Variants in CABP4 observed in about 807,000 individuals in gnomAD.
CABP4 encodes the protein calcium binding protein 4.
In CABP4, 30 loss-of-function variants were observed where a neutral mutation model predicts 30.7. The observed-to-expected ratio is 0.98, with a 90% CI of 0.73 to 1.33. CABP4 has a LOEUF of 1.33. Among genes scored for constraint, CABP4 ranks in the 40% most tolerant of loss-of-function variants. The pLI, the probability that CABP4 is intolerant of heterozygous loss-of-function variation, is 0.00. For missense variants in CABP4, 424 were observed against 395.5 expected, an observed-to-expected ratio of 1.07 and a Z score of -0.61; for synonymous variants, 161 against 159.2, an observed-to-expected ratio of 1.01 and a Z score of -0.08.
upstream of CABP4, chr11:67,453,012 C>A: frequency 1.8e-5 from 4 of 228,352 alleles, no homozygotes; most frequent in South Asian, 1.8e-4. Flanking sequence ...CTTTTCTTTT[C>A]TTTTCTTTTT....
At chr11:67,456,068 G>A in intron 1 of CABP4, 120 bp from the exon 2 acceptor site, 1 of 1,589,550 alleles carries the variant, frequency 6.3e-7, no homozygotes, top group Admixed American at 1.7e-5. Context: ...AGGCTTCAGG[G>A]TCCTTTTCCT....
In CABP4 at chr11:67,456,440, G is replaced by T; in HGVS notation, c.539G>T (p.Arg180Leu). Residue 180 changes from arginine (R) to leucine (L), a missense_variant and splice_region_variant, in exon 3 of 6, where the codon CGC becomes CTC. Physicochemically the swap from Arg to Leu is moderately radical, Grantham distance 102. Transcript: ENST00000325656. ...GAGGTCTCGCAGCACATCAAGATGCGCAGTCAGTCAGGGAGCCCGCCCGCC... is the reference window on the plus strand; with the variant it reads ...GAGGTCTCGCAGCACATCAAGATGCTCAGTCAGTCAGGGAGCCCGCCCGCC... ...LLEVSQHIKM[R>L]MGGRVDFEEF... The T allele has an allele frequency of 6.2e-7, 1 of 1,610,500 alleles. No homozygotes were observed. Among genetic ancestry groups the T allele is most frequent in the Non-Finnish European group, 8.5e-7 (1 of 1,179,962 alleles).
At chr11:67,456,104 A>G (rs372735917) in intron 1 of CABP4, 84 bp from the exon 2 acceptor site, 7 of 1,611,832 alleles carry the variant, frequency 4.3e-6, no homozygotes, top group Non-Finnish European at 8.5e-7. Context: ...GGCCCTGCCC[A>G]GGCCAACATG....
upstream of CABP4, among the ~76,000 whole-genome samples, chr11:67,454,026 T>C (rs1864667063): frequency 6.6e-6 from 1 of 152,112 alleles, no homozygotes; most frequent in Non-Finnish European, 1.5e-5. Flanking sequence ...CCCTGGTGCC[T>C]CTCCAGCATC....
intron 1 of CABP4, 153 bp from the exon 2 acceptor site, chr11:67,456,035 G>A (rs998823513): frequency 2.1e-6 from 3 of 1,418,354 alleles, no homozygotes; most frequent in South Asian, 2.4e-5. Context: ...ACAAAAGGGA[G>A]CTTGCTCCTC....
intron 3 of CABP4, among the ~76,000 whole-genome samples, chr11:67,456,824 T>G (rs959022505): frequency 2.0e-5 from 3 of 152,222 alleles, no homozygotes; most frequent in Non-Finnish European, 4.4e-5. Context: ...TTTCTCTCTC[T>G]TTCTGTGACC....
At chr11:67,454,761 G>A (rs1397380037), upstream of CABP4, among the ~76,000 whole-genome samples, 1 of 152,146 alleles carries the variant, frequency 6.6e-6, no homozygotes, top group East Asian at 1.9e-4. Flanking sequence ...CTCCTCCCCA[G>A]GGCCTCTCTA....
Position 67,458,845 on chromosome 11 carries a change from C to A in CABP4, c.*186C>A, listed in dbSNP as rs1177038816. ...GTTACCTGCCCACCCTCATCCTTAC[C>A]TCCTCCTACTCAAGCTGCCTGGAGA... On this transcript the variant is annotated 3_prime_UTR_variant, in exon 6 of 6. Transcript: ENST00000325656. 2.9e-6 allele frequency: 2 copies of A among 692,588 alleles called. No individual in the cohort carries two copies. The highest frequency in any genetic ancestry group is 5.1e-6 in the Non-Finnish European group (2 of 395,200). 42.9% of individuals were successfully genotyped at this position (692,588 alleles called of 1,614,324 possible).
rs1217957173 is a variant in CABP4 at position 67,455,673 on chromosome 11, C to T, written c.250C>T (p.Pro84Ser). 1.2e-6 allele frequency: 2 copies of T among 1,608,052 alleles called. No homozygotes were observed. The highest frequency in any genetic ancestry group is 1.1e-5 in the South Asian group (1 of 90,454). Residue 84 changes from proline (P) to serine (S), a missense_variant, in exon 1 of 6, where the codon CCC (proline) becomes TCC (serine). Transcript: ENST00000325656. The stretch of plus-strand genomic sequence containing the variant: ...CACTGGAGAGGGGCCGGCGGGCGCA[C>T]CCCCTGCATCCCCTGGGCCGGCCTC... ...PSTGEGPAGAPPASPGPASSR... is the reference protein window; with the variant it reads ...PSTGEGPAGASPASPGPASSR...
upstream of CABP4, among the ~76,000 whole-genome samples, chr11:67,454,716 C>G (rs928832574): frequency 2.0e-5 from 3 of 152,206 alleles, no homozygotes; most frequent in African/African-American, 7.2e-5. Flanking sequence ...GCCAGACCCC[C>G]TCCCCCAGCC....
rs752550664 is a variant in CABP4, at chr11:67,456,408, G to C, written c.507G>C (p.Glu169Asp). The C allele has an allele frequency of 1.4e-5, 23 of 1,612,686 alleles. No homozygotes were observed. The highest frequency in any genetic ancestry group is 1.8e-5 in the Non-Finnish European group (21 of 1,180,010). ...RTLGYMPTEM[E>D]LLEVSQHIKM... ...TGGGCTACATGCCCACCGAGATGGA[G>C]CTCCTGGAGGTCTCGCAGCACATCA... The change falls in exon 3 of 6, where the codon GAG becomes GAC. Residue 169 changes from glutamate (E) to aspartate (D), a missense_variant. Coordinates refer to ENST00000325656, the MANE Select transcript of CABP4 (RefSeq NM_145200.5).
In CABP4 at chr11:67,457,580, C is replaced by T. The variant is rs745499827; in HGVS notation, c.549C>T (p.Gly183=). The T allele has an allele frequency of 3.8e-6, 6 of 1,586,538 alleles. No individual in the cohort carries two copies. Among genetic ancestry groups the T allele is most frequent in the Non-Finnish European group, 5.1e-6 (6 of 1,166,058 alleles). ...VSQHIKMRMG[G]RVDFEEFVEL... ...CTCTTCCTGGGTCTGCAGTGGGCGG[C>T]CGTGTGGACTTTGAGGAGTTTGTAG... The change falls in exon 4 of 6, where the codon GGC becomes GGT. Residue 183 remains glycine, a synonymous_variant. Coordinates refer to ENST00000325656, the MANE Select transcript of CABP4 (RefSeq NM_145200.5).
rs773516968 is a variant in CABP4 at position 67,458,492 on chromosome 11, A to T, written c.773A>T (p.Asn258Ile). 2 of 1,614,006 alleles carry T rather than the reference A, an allele frequency of 1.2e-6. No individual in the cohort carries two copies. The highest frequency in any genetic ancestry group is 1.7e-6 in the Non-Finnish European group (2 of 1,179,994). Residue 258 changes from asparagine to isoleucine, a missense_variant, in exon 5 of 6, where the codon AAT (asparagine) becomes ATT (isoleucine). Asn to Ile is a moderately radical substitution (Grantham distance 149, BLOSUM62 -3). Coordinates refer to ENST00000325656, the MANE Select transcript of CABP4 (RefSeq NM_145200.5). ...GAGATGCTCCGAGAAGTGGACCTCA[A>T]TGGGGATGGCACCGTAGACTTTGAC... Reference protein sequence around the residue: ...LDEMLREVDLNGDGTVDFDEF... With the variant: ...LDEMLREVDLIGDGTVDFDEF...
rs1400752403 is a variant in CABP4 at position 67,458,956 on chromosome 11, C to T, written c.*297C>T. 9.8e-6 allele frequency: 5 copies of T among 510,410 alleles called. No homozygotes were observed. Among genetic ancestry groups the T allele is most frequent in the Admixed American group, 3.2e-5 (1 of 31,176 alleles). The allele number at this position is 510,410 out of a possible 1,614,324, so 31.6% of individuals were successfully genotyped here. A position where few individuals can be genotyped will look rare whatever the true frequency, so the allele number is the denominator to read the frequency against. On this transcript the variant is annotated 3_prime_UTR_variant, in exon 6 of 6. Transcript: ENST00000325656. ...CTCTGGGAGGTAGGGAGTTCCCTGG[C>T]ACTGGCAGCATTCAGTGGGGACCCC... is the stretch of plus-strand genomic sequence containing the variant.
At position 67,456,435 on chromosome 11, in the gene CABP4, G is replaced by C. The variant is rs1327511961; in HGVS notation, c.534G>C (p.Lys178Asn). ...TCCTGGAGGTCTCGCAGCACATCAA[G>C]ATGCGCAGTCAGTCAGGGAGCCCGC... ...MELLEVSQHIKMRMGGRVDFE... is the reference protein window; with the variant it reads ...MELLEVSQHINMRMGGRVDFE... Residue 178 changes from lysine (K) to asparagine (N), a missense_variant, in exon 3 of 6, where the codon AAG becomes AAC. By Grantham distance (94) the Lys-to-Asn change is moderately conservative. Coordinates refer to ENST00000325656, the MANE Select transcript of CABP4 (RefSeq NM_145200.5). 4.3e-6 allele frequency: 7 copies of C among 1,611,072 alleles called. No homozygotes were observed. The highest frequency in any genetic ancestry group is 1.3e-5 in the African/African-American group (1 of 74,938).
In CABP4 at chr11:67,456,213, T is replaced by C; in HGVS notation, c.392T>C (p.Leu131Pro). ...GKDRELGPEE[L>P]DELQAAFEEF... ...GACCGCGAACTGGGCCCCGAGGAGC[T>C]AGACGGTGAGTGGCTCTTGCTGCTG... is the stretch of plus-strand genomic sequence containing the variant. Residue 131 changes from leucine to proline, a missense_variant, in exon 2 of 6, where the codon CTA (leucine) becomes CCA (proline). Coordinates refer to ENST00000325656, the MANE Select transcript of CABP4 (RefSeq NM_145200.5). 2 of 1,613,400 alleles carry C rather than the reference T, an allele frequency of 1.2e-6. No homozygotes were observed. Among genetic ancestry groups the C allele is most frequent in the Non-Finnish European group, 1.7e-6 (2 of 1,179,964 alleles).
rs1466431511 is a variant in CABP4 at position 67,456,282 on chromosome 11, A to G, written c.398-17A>G. 6.2e-7 allele frequency: 1 copy of G among 1,611,536 alleles called. No individual in the cohort carries two copies. The highest frequency in any genetic ancestry group is 1.7e-5 in the Admixed American group (1 of 59,820). On this transcript the variant is annotated splice_polypyrimidine_tract_variant and intron_variant, in intron 2 of 5. Transcript: ENST00000325656. ...CCCTGAGCCTGGCCACCTGGGCTTGACCTCCCTCCTCCACAGAGCTTCAGG... is the reference window on the plus strand; with the variant it reads ...CCCTGAGCCTGGCCACCTGGGCTTGGCCTCCCTCCTCCACAGAGCTTCAGG...
In CABP4 at chr11:67,460,972, G is replaced by A. The variant is rs1343234970; in HGVS notation, c.*2313G>A. On this transcript the variant is annotated 3_prime_UTR_variant, in exon 6 of 6. Transcript: ENST00000325656. ...TGCACTCCAGCCTGGGCTACAGAGC[G>A]AGACTCCGTCTCGGAAAAAAAAAAA... Among the ~76,000 whole-genome samples the A allele has an allele frequency of 9.2e-5, 12 of 129,846 alleles. No homozygotes were observed. The highest frequency in any genetic ancestry group is 3.0e-4 in the African/African-American group (10 of 32,998). The allele number at this position is 129,846 out of a possible 152,430, so 85.2% of individuals were successfully genotyped here.
At position 67,457,592 on chromosome 11, in the gene CABP4, T is replaced by G. The variant is rs1274187503; in HGVS notation, c.561T>G (p.Phe187Leu). The G allele has an allele frequency of 5.6e-6, 9 of 1,598,374 alleles. No homozygotes were observed. The highest frequency in any genetic ancestry group is 3.5e-5 in the Admixed American group (2 of 57,410). The change falls in exon 4 of 6, where the codon TTT (phenylalanine) becomes TTG (leucine). Residue 187 changes from phenylalanine to leucine, a missense_variant. Phe to Leu is a conservative substitution (Grantham distance 22, BLOSUM62 0). Coordinates refer to ENST00000325656, the MANE Select transcript of CABP4 (RefSeq NM_145200.5). ...IKMRMGGRVD[F>L]EEFVELIGPK... Reference sequence around the variant, plus strand: ...CTGCAGTGGGCGGCCGTGTGGACTTTGAGGAGTTTGTAGAACTGATAGGCC... The same window carrying G: ...CTGCAGTGGGCGGCCGTGTGGACTTGGAGGAGTTTGTAGAACTGATAGGCC...
Sources: allele counts gnomAD v4.1 joint callset (sites outside exome capture counted in the v4.1 genomes callset), GRCh38; gene constraint gnomAD v4.1.1; transcripts MANE v1.5; gene names NCBI Gene and HGNC (gene_info 2026-07-23, HGNC 2026-07-21).